Variants in PIEZO2 observed in about 807,000 individuals in gnomAD.
PIEZO2 encodes piezo-type mechanosensitive ion channel component 2.
PIEZO2 carries 172 observed loss-of-function variants against 337.3 expected under a neutral mutation model. That is an observed-to-expected ratio of 0.51 (90% CI 0.45 to 0.58). The LOEUF (loss-of-function observed/expected upper bound fraction) is 0.58, where lower values mean the gene tolerates loss of function less well. Ranked by LOEUF, PIEZO2 falls within the 20% of genes least tolerant of loss-of-function variation. PIEZO2 has a pLI of 0.00. For missense variants in PIEZO2, 3,028 were observed against 3,391.3 expected, an observed-to-expected ratio of 0.89 and a Z score of 2.66; for synonymous variants, 1,251 against 1,228.5, an observed-to-expected ratio of 1.02 and a Z score of -0.38.
intron 4 of PIEZO2, among the ~76,000 whole-genome samples, chr18:10,885,190 C>G (rs578061962): frequency 6.6e-6 from 1 of 151,948 alleles, no homozygotes; most frequent in Non-Finnish European, 1.5e-5. Flanking sequence ...TTTGGGAGGC[C>G]GAGGCGGGCG....
rs988674638 is a variant in PIEZO2 at position 11,045,070 on chromosome 18, C to T, written c.160+21057G>A. On this transcript the variant is annotated intron_variant, in intron 2 of 55. Transcript: ENST00000674853. ...CAGCACTTTGGGAGGCCAAAGTGGG[C>T]GGATCACGAGGTCAGGAGATTGAGA... 3.3e-5 allele frequency among the ~76,000 whole-genome samples: 5 copies of T among 151,820 alleles called. 1 individual carries two copies. The highest frequency in any genetic ancestry group is 4.2e-4 in the South Asian group (2 of 4,790).
chr18:10,961,098 G>A (rs2033756383), intron 3 of PIEZO2, among the ~76,000 whole-genome samples: 1 of 151,788 alleles, frequency 6.6e-6, no homozygotes, highest in Admixed American at 6.6e-5. Context: ...GGAGAATGGT[G>A]TGAACCCGGG....
intron 2 of PIEZO2, among the ~76,000 whole-genome samples, chr18:11,060,680 A>T (rs2037915907): frequency 1.3e-5 from 2 of 152,270 alleles, no homozygotes; most frequent in African/African-American, 2.4e-5. Context: ...ATTCCTTGAC[A>T]CATACACCCT....
chr18:10,910,254 A>G (rs184443927), intron 4 of PIEZO2, among the ~76,000 whole-genome samples: 21 of 152,338 alleles, frequency 1.4e-4, no homozygotes, highest in Admixed American at 1.1e-3. Context: ...GCTGTGCAAA[A>G]TGCTAACATT....
intron 13 of PIEZO2, among the ~76,000 whole-genome samples, chr18:10,793,791 A>T (rs976795429): frequency 3.3e-5 from 5 of 152,154 alleles, no homozygotes; most frequent in Admixed American, 6.5e-5. Flanking sequence ...AATGAATGAC[A>T]TTCCCTTGGT....
chr18:10,691,096 G>GT, intron 48 of PIEZO2, 129 bp downstream of exon 48: 1 of 1,104,014 alleles, frequency 9.1e-7, no homozygotes, highest in South Asian at 1.6e-5. Flanking sequence ...TGCCAACATC[G>GT]TAAGAGTTCC....
At position 11,003,093 on chromosome 18, in the gene PIEZO2, C is replaced by T. The variant is rs1473351860; in HGVS notation, c.161-23433G>A. On this transcript the variant is annotated intron_variant, in intron 2 of 55. Coordinates refer to ENST00000674853, the MANE Select transcript of PIEZO2 (RefSeq NM_001378183.1). This position sits in a 1 kb window ranked among gnomAD's most constrained non-coding sequence, Gnocchi z 4.6. ...ACCTGGGAGATGTCCAGTGACATGT[C>T]TTTGCCGTGCCCTCCCAGGTCTTCC... 1.3e-5 allele frequency among the ~76,000 whole-genome samples: 2 copies of T among 152,196 alleles called. No individual in the cohort carries two copies. Among genetic ancestry groups the T allele is most frequent in the Non-Finnish European group, 2.9e-5 (2 of 68,026 alleles).
chr18:10,687,595 C>A (rs984113704), intron 49 of PIEZO2, among the ~76,000 whole-genome samples: 2 of 152,176 alleles, frequency 1.3e-5, no homozygotes, highest in African/African-American at 4.8e-5. Flanking sequence ...CCAACCCTAT[C>A]ATTTACTCCA....
At chr18:10,763,258 A>G in intron 21 of PIEZO2, 160 bp from the exon 22 acceptor site, 1 of 716,598 alleles carries the variant, frequency 1.4e-6, no homozygotes, top group South Asian at 1.9e-5. Flanking sequence ...GTACTAAAGT[A>G]GGTGAGTTAT....
chr18:10,743,084 G>A (rs918306824), intron 31 of PIEZO2, among the ~76,000 whole-genome samples: 3 of 152,098 alleles, frequency 2.0e-5, no homozygotes, highest in African/African-American at 7.2e-5. Context: ...TTCTAAACAT[G>A]AGTCCAAATT....
chr18:11,081,812 T>C (rs1176581062), intron 1 of PIEZO2, among the ~76,000 whole-genome samples: 1 of 149,556 alleles, frequency 6.7e-6, no homozygotes, highest in Non-Finnish European at 1.5e-5. Flanking sequence ...CAGGCTGGAG[T>C]GCAGTGGTGC....
At chr18:11,072,367 A>G (rs1265877789) in intron 1 of PIEZO2, among the ~76,000 whole-genome samples, 1 of 152,194 alleles carries the variant, frequency 6.6e-6, no homozygotes, top group Non-Finnish European at 1.5e-5. Flanking sequence ...CCCCAAATAA[A>G]AATGTAATAA....
chr18:10,960,035 T>C (rs1267585836), intron 3 of PIEZO2, among the ~76,000 whole-genome samples: 4 of 152,156 alleles, frequency 2.6e-5, no homozygotes, highest in African/African-American at 9.7e-5. Flanking sequence ...TTTGTACAAG[T>C]CCACAAATTA....
rs1053600169 is a variant in PIEZO2, at chr18:10,713,616, G to C, written c.5423+1148C>G. 6.6e-6 allele frequency among the ~76,000 whole-genome samples: 1 copy of C among 152,182 alleles called. No homozygotes were observed. The highest frequency in any genetic ancestry group is 2.4e-5 in the African/African-American group (1 of 41,442). ...TCCCCAGGGCAAGCATTTTAGGAGG[G>C]AATGGCCTTATCTCAGTTCTTCCTA... On this transcript the variant is annotated intron_variant, in intron 39 of 55. Transcript: ENST00000674853. This position sits in a 1 kb window ranked among gnomAD's most constrained non-coding sequence, Gnocchi z 4.5.
rs111598035 is a variant in PIEZO2, at chr18:10,834,218, C to T, written c.917+21135G>A. ...TACATTATCGTTGACTGTAGTCATT[C>T]TGTTGTGCTGTCAAATACTTAGAGT... On this transcript the variant is annotated intron_variant, in intron 7 of 55. Transcript: ENST00000674853. This position sits in a 1 kb window ranked among gnomAD's most constrained non-coding sequence, Gnocchi z 4.5. Among the ~76,000 whole-genome samples the T allele has an allele frequency of 2.9e-3, 447 of 152,296 alleles. 5 individuals carry two copies. The highest frequency in any genetic ancestry group is 0.01 in the Middle Eastern group (3 of 294).
chr18:10,798,962 A>G (rs2039707251), intron 11 of PIEZO2, among the ~76,000 whole-genome samples: 1 of 140,694 alleles, frequency 7.1e-6, no homozygotes, highest in Non-Finnish European at 1.6e-5. Context: ...AGGTGTCATC[A>G]TGGGTTGGGT....
At chr18:11,059,725 C>T (rs1207293918) in intron 2 of PIEZO2, among the ~76,000 whole-genome samples, 6 of 152,160 alleles carry the variant, frequency 3.9e-5, no homozygotes, top group African/African-American at 1.2e-4. Flanking sequence ...AATATATATG[C>T]ACCCAATACA....
intron 2 of PIEZO2, among the ~76,000 whole-genome samples, chr18:11,065,259 A>G (rs1304283605): frequency 1.3e-5 from 2 of 152,232 alleles, no homozygotes; most frequent in African/African-American, 4.8e-5. Flanking sequence ...GGAAATCACC[A>G]ATGACCTTTC....
At chr18:10,960,797 A>G (rs1383999292) in intron 3 of PIEZO2, among the ~76,000 whole-genome samples, 2 of 152,164 alleles carry the variant, frequency 1.3e-5, no homozygotes. Flanking sequence ...AAATCACATA[A>G]CTACTGTGTC....
Sources: gnomAD v4.1 joint callset for allele counts (sites outside exome capture counted in the v4.1 genomes callset) on GRCh38, gnomAD v4.1.1 for gene constraint, Gnocchi (gnomAD v3.1) non-coding constraint, MANE v1.5 for transcripts, NCBI Gene and HGNC (gene_info 2026-07-23, HGNC 2026-07-21) for gene names.